The following MUC5B variants were observed in gnomAD, a reference collection of about 807,000 sequenced individuals.
The protein encoded by MUC5B is mucin 5B, oligomeric mucus/gel-forming.
In MUC5B, 116 loss-of-function variants were observed where a neutral mutation model predicts 376.9. The observed-to-expected ratio is 0.31, with a 90% CI of 0.26 to 0.36. MUC5B has a LOEUF of 0.36. Ranked by LOEUF, MUC5B falls within the 10% of genes least tolerant of loss-of-function variation. MUC5B has a pLI of 1.00. For synonymous variants in MUC5B, 3,517 were observed against 3,390.9 expected, an observed-to-expected ratio of 1.04 and a Z score of -1.29; for missense variants, 7,165 against 7,769.9, an observed-to-expected ratio of 0.92 and a Z score of 2.93.
Position 1,241,167 on chromosome 11 carries a change from C to G in MUC5B, c.4287C>G (p.Tyr1429Ter). Reference protein sequence around the residue: ...DYELRVLCCEYVPCGPSPAPG... With the variant: ...DYELRVLCCE ...AGCTGCGGGTTCTCTGCTGCGAATA[C>G]GTGCCCTGTGGCCCCTCCCCGGCCC... Residue 1429 changes from tyrosine (Y) to a stop codon, truncating the protein, a stop_gained, in exon 31 of 49, where the codon TAC becomes TAG. Coordinates refer to ENST00000529681, the MANE Select transcript of MUC5B (RefSeq NM_002458.3). LOFTEE classifies it high-confidence loss of function. 6.2e-7 allele frequency: 1 copy of G among 1,602,366 alleles called. No homozygotes were observed. Among genetic ancestry groups the G allele is most frequent in the Non-Finnish European group, 8.5e-7 (1 of 1,174,752 alleles).
chr11:1,260,306 G>C, intron 46 of MUC5B, 45 bp from the exon 47 acceptor site: 8 of 1,598,152 alleles, frequency 5.0e-6, no homozygotes, highest in Non-Finnish European at 6.9e-6. Context: ...ACCCACCAGG[G>C]AGGCCCCGCC....
In MUC5B at chr11:1,231,578, C is replaced by T; in HGVS notation, c.1678+18C>T. ...GATGTGCGGTGAGGCTGGGCAGGGG[C>T]CTTCGGGGACAGGGCCATTGGGGAC... On this transcript the variant is annotated intron_variant, in intron 14 of 48. Coordinates refer to ENST00000529681, the MANE Select transcript of MUC5B (RefSeq NM_002458.3). 2 of 1,554,652 alleles carry T rather than the reference C, an allele frequency of 1.3e-6. No homozygotes were observed. The highest frequency in any genetic ancestry group is 1.9e-5 in the Admixed American group (1 of 51,656).
intron 2 of MUC5B, 92 bp from the exon 3 acceptor site, chr11:1,226,113 C>A: frequency 7.5e-7 from 1 of 1,324,974 alleles, no homozygotes; most frequent in Non-Finnish European, 1.0e-6. Context: ...CCCTTCAACT[C>A]TGGTGGCTGG....
chr11:1,237,973 G>T (rs766685174), intron 25 of MUC5B, among the ~76,000 whole-genome samples: 18 of 152,244 alleles, frequency 1.2e-4, no homozygotes, highest in Non-Finnish European at 2.5e-4. Context: ...CTGAGATGAG[G>T]GGCTGGCGTA....
chr11:1,226,936 C>G (rs990444632), intron 4 of MUC5B, 60 bp downstream of exon 4: 135 of 1,365,666 alleles, frequency 9.9e-5, no homozygotes, highest in Non-Finnish European at 3.8e-5. Context: ...CCTCCCCACA[C>G]GGCCATGTCT....
rs55700357 is a variant in MUC5B, at chr11:1,236,996, C to T, written c.3129C>T (p.Ser1043=). The T allele has an allele frequency of 5.6e-4, 885 of 1,570,538 alleles. 7 individuals are homozygous for T. In the African/African-American group the frequency reaches 8.9e-3, roughly 16 times the overall value. The change falls in exon 25 of 49, where the codon TCC becomes TCT. Residue 1043 remains serine, a synonymous_variant. Transcript: ENST00000529681. ...ATGACTTTGCCACGCGTAGCCGGTC[C>T]GTGGTGGGGGACGCACTGGAGTTTG... ...AINDFATRSR[S]VVGDALEFGN...
In MUC5B at chr11:1,250,539, C is replaced by T; in HGVS notation, c.13659C>T (p.Ser4553=). Residue 4553 remains serine, a synonymous_variant, in exon 31 of 49, where the codon TCC becomes TCT. Transcript: ENST00000529681. The stretch of plus-strand genomic sequence containing the variant: ...CCACCATGTCCACAGCCACACCCTC[C>T]TCCACTCCAGAGACTGTCCACACCT... ...PTATMSTATP[S]STPETVHTST... The T allele has an allele frequency of 6.2e-7, 1 of 1,613,192 alleles. No individual in the cohort carries two copies. Among genetic ancestry groups the T allele is most frequent in the Non-Finnish European group, 8.5e-7 (1 of 1,179,348 alleles).
chr11:1,230,570 G>A lies in MUC5B; in HGVS notation c.1440G>A (p.Ala480=), dbSNP rs116030616. The part of the protein sequence containing the change: ...GLTDNENCLK[A]VTLSLDGGDT... ...CGGACAACGAGAACTGCCTGAAAGC[G>A]GTGACGCTCAGCCTGGACGGCGGGG... Residue 480 remains alanine (A), a synonymous_variant, in exon 12 of 49, where the codon GCG becomes GCA. Transcript: ENST00000529681. The A allele has an allele frequency of 6.0e-4, 967 of 1,611,172 alleles. 2 individuals carry two copies. The African/African-American group carries it at 9.8e-3, about 16-fold the overall frequency.
chr11:1,248,786 C>G lies in MUC5B; in HGVS notation c.11906C>G (p.Thr3969Arg), dbSNP rs1360292479. The change falls in exon 31 of 49, where the codon ACA (threonine) becomes AGA (arginine). Residue 3969 changes from threonine to arginine, a missense_variant. Coordinates refer to ENST00000529681, the MANE Select transcript of MUC5B (RefSeq NM_002458.3). ...STTNPSSTPG[T>R]TPIPPVLTTT... ...ACCAACCCCTCCTCAACTCCAGGGA[C>G]AACACCTATCCCCCCAGTGCTGACC... 3 of 1,549,506 alleles carry G rather than the reference C, an allele frequency of 1.9e-6. No individual in the cohort carries two copies. The highest frequency in any genetic ancestry group is 4.9e-5 in the East Asian group (2 of 40,878).
At position 1,249,864 on chromosome 11, in the gene MUC5B, C is replaced by G; in HGVS notation, c.12984C>G (p.Ser4328=). 1 of 1,613,672 alleles carries G rather than the reference C, an allele frequency of 6.2e-7. No homozygotes were observed. The highest frequency in any genetic ancestry group is 8.5e-7 in the Non-Finnish European group (1 of 1,179,792). The part of the protein sequence containing the change: ...STATSVTPIP[S]STLGTTGTLP... ...CTACCAGCGTTACACCCATCCCCTC[C>G]TCCACCCTTGGGACCACCGGGACCC... The change falls in exon 31 of 49, where the codon TCC becomes TCG. Residue 4328 remains serine, a synonymous_variant. Coordinates refer to ENST00000529681, the MANE Select transcript of MUC5B (RefSeq NM_002458.3).
Position 1,246,222 on chromosome 11 carries a change from CACG to C in MUC5B, c.9345_9347del (p.Thr3116del), listed in dbSNP as rs1862459639. Reference sequence around the variant, plus strand: ...CCACAGTGCTGACCACGAAGGCCACCACGACAAGGGCCACCAGTTCCATGTCCA... The same window carrying C: ...CCACAGTGCTGACCACGAAGGCCACCACAAGGGCCACCAGTTCCATGTCCA... On this transcript the variant is annotated inframe_deletion, in exon 31 of 49. Coordinates refer to ENST00000529681, the MANE Select transcript of MUC5B (RefSeq NM_002458.3). 6.2e-7 allele frequency: 1 copy of C among 1,612,654 alleles called. No homozygotes were observed. Among genetic ancestry groups the C allele is most frequent in the Middle Eastern group, 1.6e-4 (1 of 6,062 alleles).
Position 1,249,647 on chromosome 11 carries a change from C to A in MUC5B, c.12767C>A (p.Thr4256Lys), listed in dbSNP as rs1564947843. 2 of 1,611,732 alleles carry A rather than the reference C, an allele frequency of 1.2e-6. No homozygotes were observed. Among genetic ancestry groups the A allele is most frequent in the Non-Finnish European group, 1.7e-6 (2 of 1,178,604 alleles). ...TGGATCCTCACAGAGCTGACCACAA[C>A]AGCCACTACGACTGCATCCACTGGA... ...TTWILTELTTTATTTASTGST... is the reference protein window; with the variant it reads ...TTWILTELTTKATTTASTGST... Residue 4256 changes from threonine to lysine, a missense_variant, in exon 31 of 49, where the codon ACA (threonine) becomes AAA (lysine). This residue lies in a region of MUC5B where 431 missense variants were observed against 390.4 expected (regional missense o/e 1.10). Coordinates refer to ENST00000529681, the MANE Select transcript of MUC5B (RefSeq NM_002458.3).
rs758598055 is a variant in MUC5B at position 1,228,765 on chromosome 11, C to T, written c.976C>T (p.Pro326Ser). The T allele has an allele frequency of 4.0e-4, 548 of 1,382,410 alleles. No individual in the cohort carries two copies. Among genetic ancestry groups the T allele is most frequent in the Non-Finnish European group, 4.8e-4 (500 of 1,050,304 alleles). The allele number at this position is 1,382,410 out of a possible 1,614,324, so 85.6% of individuals were successfully genotyped here. Residue 326 changes from proline (P) to serine (S), a missense_variant and splice_region_variant, in exon 8 of 49, where the codon CCC (proline) becomes TCC (serine). This residue lies in a region of MUC5B where 640 missense variants were observed against 733.0 expected (regional missense o/e 0.87). Transcript: ENST00000529681. ...GAACTGGAGGTGCCCTGAGCTCTGC[C>T]GTGAGTGCTCCCAGGGCCTTCGCCA... ...PRNWRCPELC[P>S]RTCPLNMQHQ...
Position 1,238,990 on chromosome 11 carries a change from G to T in MUC5B, c.3417G>T (p.Ala1139=). 1 of 1,572,614 alleles carries T rather than the reference G, an allele frequency of 6.4e-7. No homozygotes were observed. Among genetic ancestry groups the T allele is most frequent in the Non-Finnish European group, 8.6e-7 (1 of 1,159,714 alleles). ...VAAYAQACHD[A]GLCVSWRTPD... The stretch of plus-strand genomic sequence containing the variant: ...CCTACGCCCAGGCCTGCCACGACGC[G>T]GGCCTGTGTGTGTCCTGGCGGACTC... The change falls in exon 26 of 49, where the codon GCG becomes GCT. Residue 1139 remains alanine (A), a synonymous_variant. Transcript: ENST00000529681.
intron 44 of MUC5B, 60 bp from the exon 45 acceptor site, chr11:1,259,696 T>C: frequency 1.3e-6 from 2 of 1,574,644 alleles, no homozygotes; most frequent in Non-Finnish European, 1.7e-6. Context: ...GAGGGCAGGC[T>C]GGGCCGGGGC....
chr11:1,249,947 C>G lies in MUC5B; in HGVS notation c.13067C>G (p.Thr4356Ser). Residue 4356 changes from threonine (T) to serine (S), a missense_variant, in exon 31 of 49, where the codon ACT (threonine) becomes AGT (serine). Around this residue, in one of 31 missense-constraint regions of MUC5B, gnomAD observed 431 missense variants for 390.4 expected, o/e 1.10. Transcript: ENST00000529681. ...ATGTCCACAATCCACCCCTCCTCCACTCCGGAGACCACCCACACCTCCACA... is the reference window on the plus strand; with the variant it reads ...ATGTCCACAATCCACCCCTCCTCCAGTCCGGAGACCACCCACACCTCCACA... ...ATMSTIHPSSTPETTHTSTVL... is the reference protein window; with the variant it reads ...ATMSTIHPSSSPETTHTSTVL... 3.7e-6 allele frequency: 6 copies of G among 1,612,578 alleles called. No homozygotes were observed. Among genetic ancestry groups the G allele is most frequent in the Non-Finnish European group, 5.1e-6 (6 of 1,179,148 alleles).
intron 44 of MUC5B, among the ~76,000 whole-genome samples, 198 bp downstream of exon 44, chr11:1,259,259 G>GCACCTGCCCCCAGGTGAGACCTGAGT (rs1446298756): frequency 7.1e-6 from 1 of 140,112 alleles, no homozygotes; most frequent in African/African-American, 2.7e-5. Context: ...GAGACCCGAG[G>GCACCTGCCCCCAGGTGAGACCTGAGT]CACCTGCCCC....
At position 1,239,533 on chromosome 11, in the gene MUC5B, G is replaced by A; in HGVS notation, c.3550G>A (p.Gly1184Arg). Residue 1184 changes from glycine to arginine, a missense_variant, in exon 27 of 49, where the codon GGG becomes AGG. Physicochemically the swap from Gly to Arg is moderately radical, Grantham distance 125. Transcript: ENST00000529681. ...PCLKTCRNPSGHCLVDLPGLE... is the reference protein window; with the variant it reads ...PCLKTCRNPSRHCLVDLPGLE... ...CCTAAAAACCTGCCGGAACCCCAGT[G>A]GGCACTGCCTGGTGGACCTGCCTGG... is the stretch of plus-strand genomic sequence containing the variant. 1 of 1,598,322 alleles carries A rather than the reference G, an allele frequency of 6.3e-7. No homozygotes were observed. The highest frequency in any genetic ancestry group is 8.6e-7 in the Non-Finnish European group (1 of 1,169,270).
Position 1,245,244 on chromosome 11 carries a change from C to T in MUC5B, c.8364C>T (p.Ser2788=). 6.3e-7 allele frequency: 1 copy of T among 1,598,744 alleles called. No homozygotes were observed. Among genetic ancestry groups the T allele is most frequent in the Non-Finnish European group, 8.5e-7 (1 of 1,174,670 alleles). ...TLGTTHITEP[S]TGTSHTPAAT... ...GCACCACCCACATCACAGAGCCTTC[C>T]ACGGGGACTTCCCACACCCCAGCAG... The change falls in exon 31 of 49, where the codon TCC becomes TCT. Residue 2788 remains serine, a synonymous_variant. Transcript: ENST00000529681.
Sources: allele counts gnomAD v4.1 joint callset (sites outside exome capture counted in the v4.1 genomes callset), GRCh38; gene constraint gnomAD v4.1.1; regional missense constraint gnomAD v4.1.1; transcripts MANE v1.5; gene names NCBI Gene and HGNC (gene_info 2026-07-23, HGNC 2026-07-21).